DNAH9: variants seen among roughly 807,000 people sequenced by gnomAD.
DNAH9 encodes the protein dynein axonemal heavy chain 9, also known as DNAH9 variant protein.
Under a neutral mutation model 471.6 loss-of-function variants are expected in DNAH9, and 345 were observed. That is an observed-to-expected ratio of 0.73 (90% CI 0.67 to 0.80). The LOEUF is 0.80. Ranked by LOEUF, DNAH9 falls within the 30% of genes least tolerant of loss-of-function variation. The probability of loss-of-function intolerance (pLI) is 0.00; values close to 1 mark genes in which losing one functional copy is unlikely to be tolerated. For synonymous variants in DNAH9, 2,093 were observed against 2,123.6 expected (o/e 0.99, Z 0.40); for missense variants, 5,407 against 5,609.2 (o/e 0.96, Z 1.15).
chr17:11,733,816 G>C, intron 28 of DNAH9, among the ~76,000 whole-genome samples: 1 of 140,320 alleles, frequency 7.1e-6, no homozygotes. Context: ...AGCCGAGATC[G>C]TGCCACTACA....
intron 61 of DNAH9, among the ~76,000 whole-genome samples, chr17:11,922,000 C>T (rs1413267985): frequency 6.6e-6 from 1 of 152,164 alleles, no homozygotes; most frequent in African/African-American, 2.4e-5. Context: ...CACTTTTTAT[C>T]CTGGTATTTT....
chr17:11,862,462 C>CT (rs1971891578), intron 50 of DNAH9, among the ~76,000 whole-genome samples: 1 of 125,236 alleles, frequency 8.0e-6, no homozygotes, highest in Non-Finnish European at 1.7e-5. Context: ...ATGATGCCTC[C>CT]GGCTTTGTTC....
chr17:11,965,766 A>G (rs1976651903), intron 68 of DNAH9, among the ~76,000 whole-genome samples: 1 of 152,202 alleles, frequency 6.6e-6, no homozygotes, highest in Non-Finnish European at 1.5e-5. Flanking sequence ...ATACAGAGAG[A>G]AAAATTATAT....
At chr17:11,610,283 C>G in intron 2 of DNAH9, 113 bp from the exon 3 acceptor site, 1 of 817,448 alleles carries the variant, frequency 1.2e-6, no homozygotes, top group Non-Finnish European at 1.8e-6. Context: ...GATGAAATTT[C>G]TCACCTATTT....
chr17:11,787,309 G>C (rs1968907945), intron 41 of DNAH9, among the ~76,000 whole-genome samples: 1 of 152,182 alleles, frequency 6.6e-6, no homozygotes, highest in South Asian at 2.1e-4. Context: ...ACCTGCAATT[G>C]GGCAAAACTC....
At chr17:11,853,121 G>A (rs919109044) in intron 49 of DNAH9, 21 of 151,664 alleles carry the variant, frequency 1.4e-4, no homozygotes, top group African/African-American at 5.1e-4. Context: ...AGTCATTTGG[G>A]TGTGGTATAG....
At chr17:11,782,399 A>G (rs1968703690) in intron 39 of DNAH9, among the ~76,000 whole-genome samples, 1 of 152,172 alleles carries the variant, frequency 6.6e-6, no homozygotes, top group African/African-American at 2.4e-5. Flanking sequence ...TCAGCTGATG[A>G]CCTTGCCTTC....
intron 26 of DNAH9, among the ~76,000 whole-genome samples, chr17:11,707,805 A>G (rs896148243): frequency 2.0e-5 from 3 of 152,028 alleles, no homozygotes; most frequent in Non-Finnish European, 4.4e-5. Context: ...CCTGGAGTTC[A>G]TTCCACCTCA....
chr17:11,939,397 G>A (rs1974823050), intron 66 of DNAH9, among the ~76,000 whole-genome samples: 2 of 152,212 alleles, frequency 1.3e-5, no homozygotes, highest in African/African-American at 2.4e-5. Context: ...GCTAACCCAA[G>A]AAATGGGGTG....
chr17:11,919,276 A>G (rs145283353), intron 61 of DNAH9, among the ~76,000 whole-genome samples: 19,536 of 151,890 alleles, frequency 0.13, 1,560 homozygotes, highest in Non-Finnish European at 0.2. Context: ...CGAGCAGATC[A>G]CAAGGTCAGG....
chr17:11,694,613 T>G lies in DNAH9; in HGVS notation c.4872+166T>G, dbSNP rs12946303. ...CACATACCTCGGAGCTTTCTTGCTT[T>G]CTTGCTTTCTTGCTTTCTTGCTTTC... On this transcript the variant is annotated intron_variant, in intron 22 of 68. Coordinates refer to ENST00000262442, the MANE Select transcript of DNAH9 (RefSeq NM_001372.4). Among the ~76,000 whole-genome samples the G allele has an allele frequency of 0.59, 18,037 of 30,696 alleles. 5,940 individuals carry two copies. Among genetic ancestry groups the G allele is most frequent in the Middle Eastern group, 0.73 (41 of 56 alleles). The allele number at this position is 30,696 out of a possible 152,430, so 20.1% of individuals were successfully genotyped here. A position where few individuals can be genotyped will look rare whatever the true frequency, so the allele number is the denominator to read the frequency against.
In DNAH9 at chr17:11,623,385, C is replaced by T. The variant is rs2072912056; in HGVS notation, c.1350+3604C>T. Among the ~76,000 whole-genome samples the T allele has an allele frequency of 6.6e-6, 1 of 152,054 alleles. No individual in the cohort carries two copies. The highest frequency in any genetic ancestry group is 1.5e-5 in the Non-Finnish European group (1 of 68,026). Reference sequence around the variant, plus strand: ...TCTCCTTCTCTATTTTCTAACTTCCCTGACCTCTTTGTTTGCCCTGAATTT... The same window carrying T: ...TCTCCTTCTCTATTTTCTAACTTCCTTGACCTCTTTGTTTGCCCTGAATTT... On this transcript the variant is annotated intron_variant, in intron 6 of 68. Coordinates refer to ENST00000262442, the MANE Select transcript of DNAH9 (RefSeq NM_001372.4). This position sits in a 1 kb window ranked among gnomAD's most constrained non-coding sequence, Gnocchi z 4.1.
intron 50 of DNAH9, among the ~76,000 whole-genome samples, chr17:11,865,491 ATG>A (rs1397065141): frequency 6.6e-6 from 1 of 151,950 alleles, no homozygotes; most frequent in Non-Finnish European, 1.5e-5. Context: ...TCTGACAATT[ATG>A]TGTCTTGGAG....
At chr17:11,882,606 A>G (rs1972764958) in intron 55 of DNAH9, among the ~76,000 whole-genome samples, 1 of 152,206 alleles carries the variant, frequency 6.6e-6, no homozygotes, top group South Asian at 2.1e-4. Context: ...TCAGCAGTGA[A>G]CAAAGAAAAC....
intron 49 of DNAH9, among the ~76,000 whole-genome samples, chr17:11,846,062 C>T (rs1480686528): frequency 1.3e-5 from 2 of 151,518 alleles, no homozygotes; most frequent in African/African-American, 2.4e-5. Context: ...GTGTTCTAGA[C>T]ATGAAGTCCT....
At chr17:11,605,725 C>T (rs1165021498) in intron 1 of DNAH9, among the ~76,000 whole-genome samples, 3 of 149,914 alleles carry the variant, frequency 2.0e-5, no homozygotes, top group Non-Finnish European at 3.0e-5. Flanking sequence ...GGCAGGTCTC[C>T]GACTCCTGGG....
At chr17:11,899,825 GC>G (rs2151010840) in intron 59 of DNAH9, among the ~76,000 whole-genome samples, 1 of 152,222 alleles carries the variant, frequency 6.6e-6, no homozygotes, top group South Asian at 2.1e-4. Flanking sequence ...CCTCCTGCTG[GC>G]CAGGCAGATG....
intron 59 of DNAH9, among the ~76,000 whole-genome samples, chr17:11,896,510 TTTTA>T (rs1208636504): frequency 3.9e-5 from 6 of 152,234 alleles, no homozygotes; most frequent in African/African-American, 1.4e-4. Context: ...TTTTATTTAA[TTTTA>T]TTTGTCATTC....
chr17:11,652,926 A>G lies in DNAH9; in HGVS notation c.2519A>G (p.Asp840Gly), dbSNP rs151174418. The part of the protein sequence containing the change: ...DGKRESLLSL[D>G]DRHDRMEKYY... ...AAAAGGGAATCCCTTCTTTCTCTGG[A>G]TGATCGGCATGATCGAATGGAAAAA... The change falls in exon 14 of 69, where the codon GAT becomes GGT. Residue 840 changes from aspartate (D) to glycine (G), a missense_variant. By Grantham distance (94) the Asp-to-Gly change is moderately conservative. This residue lies in a region of DNAH9 where 4,636 missense variants were observed against 4,900.3 expected (regional missense o/e 0.95). Coordinates refer to ENST00000262442, the MANE Select transcript of DNAH9 (RefSeq NM_001372.4). 2.3e-3 allele frequency: 3,764 copies of G among 1,613,892 alleles called. 64 individuals are homozygous for G. The South Asian group carries it at 0.025, about 11-fold the overall frequency.
Sources: gnomAD v4.1 joint callset for allele counts (sites outside exome capture counted in the v4.1 genomes callset) on GRCh38, gnomAD v4.1.1 for gene constraint, gnomAD v4.1.1 regional missense constraint, Gnocchi (gnomAD v3.1) non-coding constraint, MANE v1.5 for transcripts, NCBI Gene and HGNC (gene_info 2026-07-23, HGNC 2026-07-21) for gene names.